The following TRANK1 variants were observed in gnomAD, a reference collection of about 807,000 sequenced individuals.
TRANK1 encodes tetratricopeptide repeat and ankyrin repeat containing 1.
Under a neutral mutation model 266.0 loss-of-function variants are expected in TRANK1, and 198 were observed. The ratio of observed to expected loss-of-function variants is 0.74; its 90% CI spans 0.66 to 0.84. TRANK1 has a LOEUF of 0.84. Among genes scored for constraint, TRANK1 ranks in the 40% least tolerant of loss-of-function variants. TRANK1 has a pLI of 0.00. For synonymous variants in TRANK1, 1,396 were observed against 1,384.1 expected (o/e 1.01, Z -0.19); for missense variants, 3,326 against 3,634.6 (o/e 0.92, Z 2.18).
At chr3:36,931,192 C>T (rs1435804132) in intron 1 of TRANK1, among the ~76,000 whole-genome samples, 1 of 151,930 alleles carries the variant, frequency 6.6e-6, no homozygotes, top group Non-Finnish European at 1.5e-5. Context: ...CTAGGACCAA[C>T]TTTAAGACCC....
At chr3:36,830,481 C>G (rs1349934732) in intron 22 of TRANK1, among the ~76,000 whole-genome samples, 1 of 152,190 alleles carries the variant, frequency 6.6e-6, no homozygotes. Flanking sequence ...TCAAGAGAAC[C>G]TTAAAGAGTT....
At chr3:36,924,789 C>T (rs1406493539) in intron 1 of TRANK1, among the ~76,000 whole-genome samples, 1 of 152,142 alleles carries the variant, frequency 6.6e-6, no homozygotes, top group Non-Finnish European at 1.5e-5. Context: ...GAAAAAAAGT[C>T]CCACATGCTT....
chr3:36,832,874 C>G lies in TRANK1; in HGVS notation c.6709G>C (p.Glu2237Gln). The G allele has an allele frequency of 6.2e-7, 1 of 1,613,840 alleles. No individual in the cohort carries two copies. Among genetic ancestry groups the G allele is most frequent in the Non-Finnish European group, 8.5e-7 (1 of 1,179,816 alleles). ...NLVAINGLLL[E>Q]AKKVFPKILA... is the part of the protein sequence containing the mutation. ...ATTTTAGGGAATACTTTTTTGGCTT[C>G]CAAAAGCAACCCGTTGATTGCCACC... The change falls in exon 22 of 24, where the codon GAA (glutamate) becomes CAA (glutamine). Residue 2237 changes from glutamate (E) to glutamine (Q), a missense_variant. Transcript: ENST00000645898.
chr3:36,927,542 A>G (rs1183404577), intron 1 of TRANK1, among the ~76,000 whole-genome samples: 3 of 152,176 alleles, frequency 2.0e-5, no homozygotes, highest in Non-Finnish European at 4.4e-5. Flanking sequence ...GAACCATCCT[A>G]TAAAATCCCC....
intron 2 of TRANK1, among the ~76,000 whole-genome samples, chr3:36,907,989 C>T (rs374771380): frequency 3.3e-4 from 50 of 152,134 alleles, no homozygotes; most frequent in African/African-American, 1.1e-3. Context: ...GCTGTGGCCA[C>T]GGAGTAAATG....
At chr3:36,940,199 G>T (rs929962557) in intron 1 of TRANK1, among the ~76,000 whole-genome samples, 1 of 151,244 alleles carries the variant, frequency 6.6e-6, no homozygotes, top group Non-Finnish European at 1.5e-5. Flanking sequence ...ATTATTCTTA[G>T]TAAGAAGCTG....
chr3:36,873,028 G>C (rs1341127759), intron 9 of TRANK1, among the ~76,000 whole-genome samples: 2 of 152,162 alleles, frequency 1.3e-5, no homozygotes, highest in East Asian at 1.9e-4. Flanking sequence ...AGGTTTTACA[G>C]TACATTTCAT....
intron 1 of TRANK1, among the ~76,000 whole-genome samples, chr3:36,911,488 T>C (rs1575304990): frequency 6.6e-6 from 1 of 152,174 alleles, no homozygotes; most frequent in East Asian, 1.9e-4. Context: ...TTCATTTCAA[T>C]ATTATTTTTC....
chr3:36,895,611 C>T lies in TRANK1; in HGVS notation c.552+29G>A, dbSNP rs1384999892. 4 of 1,350,200 alleles carry T rather than the reference C, an allele frequency of 3.0e-6. No homozygotes were observed. In the East Asian group the frequency reaches 1.0e-4, roughly 34 times the overall value. 83.6% of individuals were successfully genotyped at this position (1,350,200 alleles called of 1,614,324 possible). A position where few individuals can be genotyped will look rare whatever the true frequency, so the allele number is the denominator to read the frequency against. ...AATCATTTCATCAAGAATGTACTCT[C>T]CCCGTGAGAGCCATCTCCTTTTACT... On this transcript the variant is annotated intron_variant, in intron 5 of 23. Coordinates refer to ENST00000645898, the MANE Select transcript of TRANK1 (RefSeq NM_001329998.2).
At chr3:36,867,535 A>G (rs2079243996) in intron 9 of TRANK1, among the ~76,000 whole-genome samples, 2 of 152,366 alleles carry the variant, frequency 1.3e-5, no homozygotes, top group East Asian at 3.9e-4. Flanking sequence ...ATCCCTTGGC[A>G]GGAGGGCTGT....
At chr3:36,889,395 A>G (rs1028144403) in intron 8 of TRANK1, among the ~76,000 whole-genome samples, 7 of 152,208 alleles carry the variant, frequency 4.6e-5, no homozygotes, top group Non-Finnish European at 8.8e-5. Context: ...GTCTGGCCCC[A>G]GCAGGTATGG....
chr3:36,879,928 G>A (rs190035647), intron 8 of TRANK1, among the ~76,000 whole-genome samples: 5,349 of 11,398 alleles, frequency 0.47, 1,936 homozygotes, highest in African/African-American at 0.63. Flanking sequence ...ATGTAAACAT[G>A]CAAATATATG....
intron 22 of TRANK1, among the ~76,000 whole-genome samples, chr3:36,830,123 T>C (rs1372380679): frequency 6.6e-6 from 1 of 152,186 alleles, no homozygotes; most frequent in Non-Finnish European, 1.5e-5. Context: ...GAGACCAGCC[T>C]GGCCAACATG....
At chr3:36,841,191 A>G (rs1421352216) in intron 18 of TRANK1, among the ~76,000 whole-genome samples, 1 of 152,232 alleles carries the variant, frequency 6.6e-6, no homozygotes, top group African/African-American at 2.4e-5. Flanking sequence ...AAGGATCATT[A>G]GAGAAGCAGG....
Position 36,831,686 on chromosome 3 carries a change from C to T in TRANK1, c.7897G>A (p.Asp2633Asn). 6.2e-7 allele frequency: 1 copy of T among 1,614,010 alleles called. No individual in the cohort carries two copies. Among genetic ancestry groups the T allele is most frequent in the Non-Finnish European group, 8.5e-7 (1 of 1,179,892 alleles). Residue 2633 changes from aspartate to asparagine, a missense_variant, in exon 22 of 24, where the codon GAC (aspartate) becomes AAC (asparagine). Physicochemically the swap from Asp to Asn is conservative, Grantham distance 23. Transcript: ENST00000645898. This position sits in a 1 kb window ranked among gnomAD's most constrained non-coding sequence, Gnocchi z 5.0. ...TCTTCATCCCGCTCAAAGAGCAGGT[C>T]CTGCAGTGCCTCAGCCACAGACTTC... Reference protein sequence around the residue: ...NVKSVAEALQDLLFERDEEYL... With the variant: ...NVKSVAEALQNLLFERDEEYL...
rs758064224 is a variant in TRANK1, at chr3:36,832,454, C to T, written c.7129G>A (p.Gly2377Ser). The T allele has an allele frequency of 2.5e-6, 4 of 1,613,834 alleles. No homozygotes were observed. The highest frequency in any genetic ancestry group is 1.3e-5 in the African/African-American group (1 of 74,876). Residue 2377 changes from glycine to serine, a missense_variant, in exon 22 of 24, where the codon GGC becomes AGC. Transcript: ENST00000645898. ...CCTTCTATTCCTTTTATCCTGCTGC[C>T]TCTCCCCCTGCCCCTTTCATCCTTT... is the stretch of plus-strand genomic sequence containing the variant. ...SEKDERGRGR[G>S]SRIKGIEGKF...
intron 17 of TRANK1, among the ~76,000 whole-genome samples, 190 bp from the exon 18 acceptor site, chr3:36,842,900 G>T (rs1278226923): frequency 6.6e-6 from 1 of 152,178 alleles, no homozygotes; most frequent in Admixed American, 6.5e-5. Flanking sequence ...AGGTTAAAAT[G>T]AGGCCATTAG....
chr3:36,850,835 T>C lies in TRANK1; in HGVS notation c.4887+884A>G, dbSNP rs114173788. ...TCAGTTCTGGGGCAGATTTTTAAAG[T>C]GTTAAAGCCAACAGTGCTCTTGACT... On this transcript the variant is annotated intron_variant, in intron 15 of 23. Transcript: ENST00000645898. 816 of 985,408 alleles carry C rather than the reference T, an allele frequency of 8.3e-4. 12 individuals carry two copies. The African/African-American group carries it at 0.012, about 15-fold the overall frequency. 61.0% of individuals were successfully genotyped at this position (985,408 alleles called of 1,614,324 possible). A position where few individuals can be genotyped will look rare whatever the true frequency, so the allele number is the denominator to read the frequency against.
intron 10 of TRANK1, 43 bp downstream of exon 10, chr3:36,864,276 A>G (rs2079182913): frequency 1.4e-6 from 2 of 1,460,390 alleles, no homozygotes; most frequent in Non-Finnish European, 1.8e-6. Flanking sequence ...TTTAATGAAC[A>G]TAAATCATTT....
Sources: gnomAD v4.1 joint callset for allele counts (sites outside exome capture counted in the v4.1 genomes callset) on GRCh38, gnomAD v4.1.1 for gene constraint, Gnocchi (gnomAD v3.1) non-coding constraint, MANE v1.5 for transcripts, NCBI Gene and HGNC (gene_info 2026-07-23, HGNC 2026-07-21) for gene names.